The following XAB2 variants were observed in gnomAD, a reference collection of about 807,000 sequenced individuals.
XAB2 encodes the protein XPA binding protein 2.
In XAB2, 57 loss-of-function variants were observed where a neutral mutation model predicts 113.4. That is an observed-to-expected ratio of 0.50 (90% confidence interval 0.41 to 0.63). The LOEUF (loss-of-function observed/expected upper bound fraction) is 0.63, where lower values mean the gene tolerates loss of function less well. Among genes scored for constraint, XAB2 ranks in the 20% least tolerant of loss-of-function variants. XAB2 has a pLI of 0.00. For synonymous variants in XAB2, 497 were observed against 498.8 expected (o/e 1.00, Z 0.05); for missense variants, 1,037 against 1,233.3 (o/e 0.84, Z 2.38).
Position 7,623,344 on chromosome 19 carries a change from C to A in XAB2, c.1120-55G>T. 6.3e-7 allele frequency: 1 copy of A among 1,595,132 alleles called. No individual in the cohort carries two copies. Among genetic ancestry groups the A allele is most frequent in the South Asian group, 1.1e-5 (1 of 90,532 alleles). ...GACTCAGGACCCTGCAGATGACGGT[C>A]GGGGCAGAGCTGTGGCTCTGAGGGG... On this transcript the variant is annotated intron_variant, in intron 8 of 18. Transcript: ENST00000358368. This position sits in a 1 kb window ranked among gnomAD's most constrained non-coding sequence, Gnocchi z 4.6.
At position 7,623,067 on chromosome 19, in the gene XAB2, C is replaced by T. The variant is rs776352943; in HGVS notation, c.1239+103G>A. The T allele has an allele frequency of 1.3e-4, 203 of 1,560,324 alleles. 1 individual carries two copies. Among genetic ancestry groups the T allele is most frequent in the Middle Eastern group, 1.1e-3 (6 of 5,662 alleles). ...GCACCCAAATGCACATGCACACACA[C>T]GTGCACACATCCATGCACAAATATG... On this transcript the variant is annotated intron_variant, in intron 9 of 18. Coordinates refer to ENST00000358368, the MANE Select transcript of XAB2 (RefSeq NM_020196.3). The surrounding 1 kb of genome is among the most constrained non-coding windows in gnomAD (Gnocchi z 4.6).
rs142676580 is a variant in XAB2, at chr19:7,626,863, C to T, written c.522+380G>A. Among the ~76,000 whole-genome samples, 328 of 152,296 alleles carry T rather than the reference C, an allele frequency of 2.2e-3. 1 individual carries two copies. Among genetic ancestry groups the T allele is most frequent in the South Asian group, 6.0e-3 (29 of 4,826 alleles). On this transcript the variant is annotated intron_variant, in intron 4 of 18. Coordinates refer to ENST00000358368, the MANE Select transcript of XAB2 (RefSeq NM_020196.3). ...GAGCAAACCATGCCCCACTCCCGCC[C>T]GGCTGGTGCTTCCACTCTCCACCCT...
At position 7,620,616 on chromosome 19, in the gene XAB2, C is replaced by T. The variant is rs145006695; in HGVS notation, c.2025G>A (p.Glu675=). ...CGCGGTCAATCTCCCCGAGCTTGCA[C>T]TCCATGTCTGCAAACCGCAGGCACA... is the stretch of plus-strand genomic sequence containing the variant. ...REMCLRFADM[E]CKLGEIDRAR... is the part of the protein sequence containing the mutation. Residue 675 remains glutamate, a synonymous_variant, in exon 15 of 19, where the codon GAG becomes GAA. Coordinates refer to ENST00000358368, the MANE Select transcript of XAB2 (RefSeq NM_020196.3). The T allele has an allele frequency of 2.5e-6, 4 of 1,613,158 alleles. No individual in the cohort carries two copies. The highest frequency in any genetic ancestry group is 2.7e-5 in the African/African-American group (2 of 74,928).
At position 7,623,638 on chromosome 19, in the gene XAB2, C is replaced by T. The variant is rs1447553074; in HGVS notation, c.1119+93G>A. 5 of 1,483,370 alleles carry T rather than the reference C, an allele frequency of 3.4e-6. No individual in the cohort carries two copies. Among genetic ancestry groups the T allele is most frequent in the African/African-American group, 1.4e-5 (1 of 71,306 alleles). The allele number at this position is 1,483,370 out of a possible 1,614,324, so 91.9% of individuals were successfully genotyped here. A position where few individuals can be genotyped will look rare whatever the true frequency, so the allele number is the denominator to read the frequency against. ...TGGACCTACTAAGCAAAGTCAGGCC[C>T]CTAGAAGGTGACATTATGGGTGAAG... On this transcript the variant is annotated intron_variant, in intron 8 of 18. Transcript: ENST00000358368. The surrounding 1 kb of genome is among the most constrained non-coding windows in gnomAD (Gnocchi z 4.6).
At position 7,629,531 on chromosome 19, in the gene XAB2, T is replaced by A. The variant is rs149669681; in HGVS notation, c.-4A>T. ...AGAGTCGCGCCATCACCACCATTTT[T>A]CTGGATGCCCAGGTACAGGAGAGAG... On this transcript the variant is annotated 5_prime_UTR_variant, in exon 1 of 19. Transcript: ENST00000358368. 8.6e-4 allele frequency: 1,375 copies of A among 1,604,276 alleles called. 7 individuals are homozygous for A. The highest frequency in any genetic ancestry group is 7.8e-4 in the Non-Finnish European group (916 of 1,175,638).
In XAB2 at chr19:7,629,429, G is replaced by A; in HGVS notation, c.51+48C>T. On this transcript the variant is annotated intron_variant, in intron 1 of 18. Coordinates refer to ENST00000358368, the MANE Select transcript of XAB2 (RefSeq NM_020196.3). ...AGCCTCGATCCCCTGCGGCGTCCAG[G>A]TCCCAATGCCCCAACGCAGGCCACC... The A allele has an allele frequency of 2.6e-6, 4 of 1,563,844 alleles. No homozygotes were observed. The South Asian group carries it at 4.7e-5, about 18-fold the overall frequency.
rs748292492 is a variant in XAB2 at position 7,622,324 on chromosome 19, C to T, written c.1617+7G>A. On this transcript the variant is annotated splice_region_variant and intron_variant, in intron 12 of 18. Transcript: ENST00000358368. ...CAGGGGCCTCTGGGTCCACCCTAGCCCCTCACCTTGAAGCTCTCCTCGAAG... is the reference window on the plus strand; with the variant it reads ...CAGGGGCCTCTGGGTCCACCCTAGCTCCTCACCTTGAAGCTCTCCTCGAAG... The T allele has an allele frequency of 1.5e-5, 25 of 1,613,904 alleles. No individual in the cohort carries two copies. The highest frequency in any genetic ancestry group is 2.0e-5 in the Non-Finnish European group (24 of 1,179,966).
At position 7,620,827 on chromosome 19, in the gene XAB2, A is replaced by T; in HGVS notation, c.1971+19T>A. On this transcript the variant is annotated intron_variant, in intron 14 of 18. Coordinates refer to ENST00000358368, the MANE Select transcript of XAB2 (RefSeq NM_020196.3). Reference sequence around the variant, plus strand: ...GCTCAGGGACCTCTGGCCCCGGCCCAGCCCCCCACGGTGGGTACCTCAATG... The same window carrying T: ...GCTCAGGGACCTCTGGCCCCGGCCCTGCCCCCCACGGTGGGTACCTCAATG... The T allele has an allele frequency of 6.4e-7, 1 of 1,568,572 alleles. No homozygotes were observed. The highest frequency in any genetic ancestry group is 8.7e-7 in the Non-Finnish European group (1 of 1,154,836).
rs564003069 is a variant in XAB2, at chr19:7,625,667, TG to T, written c.822+212del. Among the ~76,000 whole-genome samples the T allele has an allele frequency of 2.2e-4, 33 of 152,144 alleles. No homozygotes were observed. The South Asian group carries it at 6.9e-3, about 32-fold the overall frequency. ...CTAATTTTTGTATTTTTAGTAGTGA[TG>T]GGGTTTCACCATGTTGGCCAGGCTG... On this transcript the variant is annotated intron_variant, in intron 6 of 18. Transcript: ENST00000358368. This position sits in a 1 kb window ranked among gnomAD's most constrained non-coding sequence, Gnocchi z 5.2.
Position 7,623,893 on chromosome 19 carries a change from C to T in XAB2, c.968-11G>A, listed in dbSNP as rs200634150. ...CCAGGTCCACATCATCTGGGAGCCG[C>T]GAACATGTTTGTCAGGGGCGGAGAC... On this transcript the variant is annotated splice_polypyrimidine_tract_variant and intron_variant, in intron 7 of 18. Coordinates refer to ENST00000358368, the MANE Select transcript of XAB2 (RefSeq NM_020196.3). The surrounding 1 kb of genome is among the most constrained non-coding windows in gnomAD (Gnocchi z 4.6). The T allele has an allele frequency of 3.1e-5, 48 of 1,554,096 alleles. No individual in the cohort carries two copies. The highest frequency in any genetic ancestry group is 1.4e-4 in the African/African-American group (10 of 73,614).
At chr19:7,620,746 G>A (rs2031014212) in intron 14 of XAB2, 77 bp from the exon 15 acceptor site, 2 of 1,589,078 alleles carry the variant, frequency 1.3e-6, no homozygotes, top group Admixed American at 3.4e-5. Context: ...GGCCATCCCT[G>A]TGCTTCCAGA....
At position 7,623,426 on chromosome 19, in the gene XAB2, C is replaced by G; in HGVS notation, c.1120-137G>C. On this transcript the variant is annotated intron_variant, in intron 8 of 18. Transcript: ENST00000358368. This position sits in a 1 kb window ranked among gnomAD's most constrained non-coding sequence, Gnocchi z 4.6. ...GGAGAGGCCAGAAACGAACTATGGC[C>G]CTTGACAATGGTCAGGACCAAGAGA... 2 of 1,224,334 alleles carry G rather than the reference C, an allele frequency of 1.6e-6. No individual in the cohort carries two copies. The highest frequency in any genetic ancestry group is 2.8e-5 in the South Asian group (2 of 71,158). 75.8% of individuals were successfully genotyped at this position (1,224,334 alleles called of 1,614,324 possible).
At position 7,627,278 on chromosome 19, in the gene XAB2, C is replaced by G; in HGVS notation, c.487G>C (p.Glu163Gln). The G allele has an allele frequency of 1.2e-6, 2 of 1,613,616 alleles. No individual in the cohort carries two copies. Among genetic ancestry groups the G allele is most frequent in the Non-Finnish European group, 8.5e-7 (1 of 1,180,026 alleles). ...CGCCGATAGCCTCGCACAGCTGTCT[C>G]AGGCAGTGGGTGTGAGCGCAGGAAG... ...LRFLRSHPLPETAVRGYRRFL... is the reference protein window; with the variant it reads ...LRFLRSHPLPQTAVRGYRRFL... The change falls in exon 4 of 19, where the codon GAG becomes CAG. Residue 163 changes from glutamate to glutamine, a missense_variant. Physicochemically the swap from Glu to Gln is conservative, Grantham distance 29. Coordinates refer to ENST00000358368, the MANE Select transcript of XAB2 (RefSeq NM_020196.3). The surrounding 1 kb of genome is among the most constrained non-coding windows in gnomAD (Gnocchi z 4.5).
intron 1 of XAB2, 70 bp downstream of exon 1, chr19:7,629,407 C>T (rs1325238731): frequency 4.5e-6 from 7 of 1,544,540 alleles, no homozygotes; most frequent in South Asian, 1.2e-5. Context: ...CCGACCCAGC[C>T]TCGATCCCCT....
Position 7,625,495 on chromosome 19 carries a change from T to TTTTG in XAB2, c.822+384_822+385insCAAA, listed in dbSNP as rs2031119901. Among the ~76,000 whole-genome samples the TTTTG allele has an allele frequency of 7.3e-6, 1 of 137,894 alleles. No individual in the cohort carries two copies. The allele number at this position is 137,894 out of a possible 152,430, so 90.5% of individuals were successfully genotyped here. On this transcript the variant is annotated intron_variant, in intron 6 of 18. Coordinates refer to ENST00000358368, the MANE Select transcript of XAB2 (RefSeq NM_020196.3). The surrounding 1 kb of genome is among the most constrained non-coding windows in gnomAD (Gnocchi z 5.2). The stretch of plus-strand genomic sequence containing the variant: ...GCACTTTTTTTTTTTTTTTTTTTTT[T>TTTTG]TGAGATGGAGTCTCGCTCTGCCACC...
At position 7,620,968 on chromosome 19, in the gene XAB2, C is replaced by T. The variant is rs768490377; in HGVS notation, c.1849G>A (p.Glu617Lys). The T allele has an allele frequency of 8.2e-6, 13 of 1,578,268 alleles. No individual in the cohort carries two copies. Among genetic ancestry groups the T allele is most frequent in the Non-Finnish European group, 4.3e-6 (5 of 1,163,528 alleles). The change falls in exon 14 of 19, where the codon GAG becomes AAG. Residue 617 changes from glutamate (E) to lysine (K), a missense_variant. Glu to Lys is a moderately conservative substitution (Grantham distance 56). Coordinates refer to ENST00000358368, the MANE Select transcript of XAB2 (RefSeq NM_020196.3). ...GLARHAMAVY[E>K]RATRAVEPAQ... The stretch of plus-strand genomic sequence containing the variant: ...GGCTCCACGGCCCTGGTGGCACGCT[C>T]GTACACGGCCATGGCATGCCGGGCC...
intron 1 of XAB2, 45 bp downstream of exon 1, chr19:7,629,432 C>A (rs766003068): frequency 6.4e-7 from 1 of 1,566,140 alleles, no homozygotes. Flanking sequence ...CGTCCAGGTC[C>A]CAATGCCCCA....
At position 7,625,613 on chromosome 19, in the gene XAB2, G is replaced by A. The variant is rs768391877; in HGVS notation, c.822+267C>T. Among the ~76,000 whole-genome samples the A allele has an allele frequency of 4.6e-5, 7 of 151,914 alleles. No individual in the cohort carries two copies. The highest frequency in any genetic ancestry group is 8.8e-5 in the Non-Finnish European group (6 of 68,004). ...CCTGCCTCAGCCTCCCGAGTAGCTG[G>A]GATTACAGGCGCGCACCACCATGTC... On this transcript the variant is annotated intron_variant, in intron 6 of 18. Transcript: ENST00000358368. The surrounding 1 kb of genome is among the most constrained non-coding windows in gnomAD (Gnocchi z 5.2).
Position 7,627,998 on chromosome 19 carries a change from C to G in XAB2, c.201-147G>C, listed in dbSNP as rs2031176539. On this transcript the variant is annotated intron_variant, in intron 2 of 18. Coordinates refer to ENST00000358368, the MANE Select transcript of XAB2 (RefSeq NM_020196.3). The surrounding 1 kb of genome is among the most constrained non-coding windows in gnomAD (Gnocchi z 4.5). Reference sequence around the variant, plus strand: ...CAATGACAGGGACAGACTGGGACATCAGAGAAGGTGTGCTGACCCATCAAG... The same window carrying G: ...CAATGACAGGGACAGACTGGGACATGAGAGAAGGTGTGCTGACCCATCAAG... 1.4e-6 allele frequency: 2 copies of G among 1,466,980 alleles called. No individual in the cohort carries two copies. The highest frequency in any genetic ancestry group is 1.4e-5 in the African/African-American group (1 of 71,980). 90.9% of individuals were successfully genotyped at this position (1,466,980 alleles called of 1,614,324 possible). A position where few individuals can be genotyped will look rare whatever the true frequency, so the allele number is the denominator to read the frequency against.
Sources: gnomAD v4.1 joint callset for allele counts (sites outside exome capture counted in the v4.1 genomes callset) on GRCh38, gnomAD v4.1.1 for gene constraint, Gnocchi (gnomAD v3.1) non-coding constraint, MANE v1.5 for transcripts, NCBI Gene and HGNC (gene_info 2026-07-23, HGNC 2026-07-21) for gene names.